Variants in SASH1 observed in about 807,000 individuals in gnomAD.
SASH1 encodes SAM and SH3 domain-containing protein 1.
A neutral mutation model predicts 125.2 loss-of-function variants in SASH1; 44 were observed. The observed-to-expected ratio is 0.35, with a 90% CI of 0.28 to 0.45. The LOEUF (loss-of-function observed/expected upper bound fraction) is 0.45, where lower values mean the gene tolerates loss of function less well. Ranked by LOEUF, SASH1 falls within the 20% of genes least tolerant of loss-of-function variation. SASH1 has a pLI of 1.00. For missense variants in SASH1, 1,426 were observed against 1,614.5 expected, an observed-to-expected ratio of 0.88 and a Z score of 2.00; for synonymous variants, 639 against 649.1, an observed-to-expected ratio of 0.98 and a Z score of 0.24.
At chr6:148,252,902 A>T in the SASH1 span, among the ~76,000 whole-genome samples, 2 of 152,228 alleles carry the variant, frequency 1.3e-5, no homozygotes, top group Non-Finnish European at 2.9e-5. Context: ...CAAGGTACCC[A>T]TCAGGAATTT....
chr6:148,545,718 G>T (rs1160860334), intron 18 of SASH1, among the ~76,000 whole-genome samples: 1 of 152,122 alleles, frequency 6.6e-6, no homozygotes, highest in Non-Finnish European at 1.5e-5. Flanking sequence ...TTAAGATAAA[G>T]ATGTAAAAGT....
chr6:148,349,241 CTTCTTTCTTTCTTTTTT>C lies in SASH1; in HGVS notation c.156+6021_156+6037del, dbSNP rs1432866897. Among the ~76,000 whole-genome samples, 9 of 87,126 alleles carry C rather than the reference CTTCTTTCTTTCTTTTTT, an allele frequency of 1.0e-4. 1 individual carries two copies. Among genetic ancestry groups the C allele is most frequent in the African/African-American group, 3.4e-4 (7 of 20,806 alleles). The allele number at this position is 87,126 out of a possible 152,430, so 57.2% of individuals were successfully genotyped here. The stretch of plus-strand genomic sequence containing the variant: ...AAGTAACTTTTTTATTTCATTCTTT[CTTCTTTCTTTCTTTTTT>C]TTTTTTTTTTTTTTTTTTTTTTTGA... On this transcript the variant is annotated intron_variant, in intron 1 of 19. Transcript: ENST00000367467.
At chr6:148,287,337 T>G (rs576019904) in intron 1 of SASH1, among the ~76,000 whole-genome samples, 1 of 152,282 alleles carries the variant, frequency 6.6e-6, no homozygotes, top group South Asian at 2.1e-4. Flanking sequence ...AACAAATATT[T>G]AGAATCTATC....
intron 7 of SASH1, among the ~76,000 whole-genome samples, chr6:148,485,349 C>T (rs373371859): frequency 3.3e-5 from 5 of 152,162 alleles, no homozygotes; most frequent in African/African-American, 1.2e-4. Flanking sequence ...TCCAAGTGTC[C>T]CTAATGTAAT....
At chr6:148,416,490 C>T (rs964240419) in intron 2 of SASH1, among the ~76,000 whole-genome samples, 3 of 152,140 alleles carry the variant, frequency 2.0e-5, no homozygotes, top group African/African-American at 7.2e-5. Context: ...AGTTTTGCAG[C>T]GTGGAGCACC....
At chr6:148,246,009 A>G in the SASH1 span, among the ~76,000 whole-genome samples, 1 of 152,052 alleles carries the variant, frequency 6.6e-6, no homozygotes, top group Non-Finnish European at 1.5e-5. Flanking sequence ...AGAAAAAGAA[A>G]AAAAAAGAAT....
chr6:148,485,927 T>C (rs1419101172), intron 7 of SASH1, among the ~76,000 whole-genome samples: 1 of 151,568 alleles, frequency 6.6e-6, no homozygotes, highest in African/African-American at 2.4e-5. Context: ...TGCACACTGC[T>C]TTGTAATAGG....
At chr6:148,283,996 T>G (rs113722086) in intron 1 of SASH1, among the ~76,000 whole-genome samples, 2,179 of 152,184 alleles carry the variant, frequency 0.014, 38 homozygotes, top group African/African-American at 0.049. Flanking sequence ...ACCCTGAGTG[T>G]TAGCTATAGT....
At chr6:148,217,871 C>T in the SASH1 span, among the ~76,000 whole-genome samples, 4 of 150,656 alleles carry the variant, frequency 2.7e-5, no homozygotes, top group Admixed American at 6.6e-5. Context: ...AAAAATTAGC[C>T]GGGTGTGGTG....
chr6:148,402,509 A>G (rs961351488), intron 2 of SASH1, among the ~76,000 whole-genome samples: 2 of 151,866 alleles, frequency 1.3e-5, no homozygotes, highest in African/African-American at 4.8e-5. Flanking sequence ...GGGTTTTGTC[A>G]TTTTGGCCAG....
At chr6:148,325,546 T>G (rs1321992587) in intron 1 of SASH1, among the ~76,000 whole-genome samples, 1 of 152,108 alleles carries the variant, frequency 6.6e-6, no homozygotes, top group African/African-American at 2.4e-5. Flanking sequence ...AGTGCTGAGA[T>G]TACAGGCATG....
At chr6:148,363,606 T>A (rs1311545087) in intron 1 of SASH1, among the ~76,000 whole-genome samples, 1 of 152,016 alleles carries the variant, frequency 6.6e-6, no homozygotes, top group Non-Finnish European at 1.5e-5. Flanking sequence ...TTCACCATCT[T>A]GGCCATGCTG....
intron 1 of SASH1, among the ~76,000 whole-genome samples, chr6:148,356,523 G>A (rs9498011): frequency 0.28 from 36,313 of 130,412 alleles, 5,176 homozygotes; most frequent in East Asian, 0.35. Context: ...TTGAGACTGG[G>A]TTTTGCTCTT....
At position 148,495,788 on chromosome 6, in the gene SASH1, C is replaced by A. The variant is rs898194192; in HGVS notation, c.729+8073C>A. The stretch of plus-strand genomic sequence containing the variant: ...GGCGTTGTAGGTCCGGTGAAAGTAT[C>A]CCCAAGAAAATGATGGATTTTATTT... On this transcript the variant is annotated intron_variant, in intron 8 of 19. Transcript: ENST00000367467. The surrounding 1 kb of genome is among the most constrained non-coding windows in gnomAD (Gnocchi z 4.0). Among the ~76,000 whole-genome samples the A allele has an allele frequency of 6.6e-6, 1 of 152,152 alleles. No homozygotes were observed. The highest frequency in any genetic ancestry group is 1.5e-5 in the Non-Finnish European group (1 of 68,034).
intron 2 of SASH1, among the ~76,000 whole-genome samples, chr6:148,391,756 C>T (rs1363079904): frequency 6.6e-6 from 1 of 152,180 alleles, no homozygotes; most frequent in Non-Finnish European, 1.5e-5. Flanking sequence ...ATAAAAGCGT[C>T]TGCATTTCTC....
At chr6:148,389,224 T>TA (rs1783601977) in intron 1 of SASH1, among the ~76,000 whole-genome samples, 1 of 152,236 alleles carries the variant, frequency 6.6e-6, no homozygotes, top group Non-Finnish European at 1.5e-5. Flanking sequence ...TCACACGTGT[T>TA]ACTCCAGTAG....
At chr6:148,197,407 T>C in the SASH1 span, among the ~76,000 whole-genome samples, 1 of 152,210 alleles carries the variant, frequency 6.6e-6, no homozygotes, top group South Asian at 2.1e-4. Context: ...AGTCTAATTA[T>C]TTTCCATAGA....
At chr6:148,272,788 A>T (rs923177370) in intron 1 of SASH1, among the ~76,000 whole-genome samples, 1 of 152,182 alleles carries the variant, frequency 6.6e-6, no homozygotes, top group African/African-American at 2.4e-5. Context: ...GTAACGATGT[A>T]TTTCATGTTG....
intron 1 of SASH1, among the ~76,000 whole-genome samples, chr6:148,380,447 G>A (rs1035488658): frequency 1.3e-5 from 2 of 152,122 alleles, no homozygotes; most frequent in African/African-American, 4.8e-5. Flanking sequence ...CCAAAAAGGC[G>A]GCCAGAGAAA....
Sources: allele counts gnomAD v4.1 joint callset (sites outside exome capture counted in the v4.1 genomes callset), GRCh38; gene constraint gnomAD v4.1.1; non-coding constraint Gnocchi (gnomAD v3.1); transcripts MANE v1.5; gene names NCBI Gene and HGNC (gene_info 2026-07-23, HGNC 2026-07-21).